IMMP2L: variants seen among roughly 807,000 people sequenced by gnomAD.
IMMP2L encodes mitochondrial inner membrane protease subunit 2.
Under a neutral mutation model 19.3 loss-of-function variants are expected in IMMP2L, and 18 were observed. The observed-to-expected ratio is 0.93, with a 90% CI of 0.64 to 1.38. The LOEUF is 1.38. IMMP2L is among the 40% of genes most tolerant of loss of function. The pLI is 0.00. For missense variants in IMMP2L, 233 were observed against 218.2 expected, an observed-to-expected ratio of 1.07 and a Z score of -0.43; for synonymous variants, 76 against 73.0, an observed-to-expected ratio of 1.04 and a Z score of -0.21.
intron 5 of IMMP2L, among the ~76,000 whole-genome samples, chr7:110,722,724 G>A (rs1193788136): frequency 6.6e-6 from 1 of 152,022 alleles, no homozygotes; most frequent in Non-Finnish European, 1.5e-5. Flanking sequence ...TTTCCAGTGA[G>A]GAAATCAAAC....
chr7:110,669,083 GTGTGTGTATA>G (rs1429436005), intron 5 of IMMP2L, among the ~76,000 whole-genome samples: 2 of 101,352 alleles, frequency 2.0e-5, no homozygotes, highest in African/African-American at 5.6e-5. Context: ...GTGTGTGTGT[GTGTGTGTATA>G]TGTATATATA....
chr7:111,073,415 A>T (rs773858214), intron 3 of IMMP2L, among the ~76,000 whole-genome samples: 5 of 152,066 alleles, frequency 3.3e-5, no homozygotes, highest in Non-Finnish European at 7.4e-5. Context: ...ACAAGTTTAA[A>T]TTTTTTCCAA....
At position 111,217,845 on chromosome 7, in the gene IMMP2L, C is replaced by T. The variant is rs574406923; in HGVS notation, c.240-254280G>A. Among the ~76,000 whole-genome samples, 5 of 152,020 alleles carry T rather than the reference C, an allele frequency of 3.3e-5. No homozygotes were observed. The South Asian group carries it at 8.3e-4, about 25-fold the overall frequency. ...CATCTTCCCTATATATTCTAGAAAT[C>T]TTATTTTTAATATAAAAATTAAGTT... On this transcript the variant is annotated intron_variant, in intron 3 of 5. Transcript: ENST00000405709.
intron 3 of IMMP2L, among the ~76,000 whole-genome samples, chr7:111,479,007 T>C (rs1236397198): frequency 2.3e-4 from 35 of 152,196 alleles, no homozygotes; most frequent in Admixed American, 2.2e-3. Context: ...TTGTAAGTAG[T>C]GGCCTATTTA....
intron 3 of IMMP2L, among the ~76,000 whole-genome samples, chr7:111,007,275 C>A (rs1483022475): frequency 6.6e-6 from 1 of 152,096 alleles, no homozygotes; most frequent in Non-Finnish European, 1.5e-5. Flanking sequence ...CCTCATTATC[C>A]AAACACCTTC....
At chr7:110,717,823 T>C (rs751835218) in intron 5 of IMMP2L, among the ~76,000 whole-genome samples, 1 of 152,128 alleles carries the variant, frequency 6.6e-6, no homozygotes, top group Non-Finnish European at 1.5e-5. Context: ...GCAGTGGAGA[T>C]GTTGAAAACC....
chr7:110,973,307 G>A (rs950480600), intron 3 of IMMP2L, among the ~76,000 whole-genome samples: 14 of 151,872 alleles, frequency 9.2e-5, no homozygotes, highest in African/African-American at 2.2e-4. Flanking sequence ...TTTAGTTGTC[G>A]GTCATACCTT....
chr7:111,046,155 G>A (rs79914997), intron 3 of IMMP2L, among the ~76,000 whole-genome samples: 5,345 of 151,756 alleles, frequency 0.035, 135 homozygotes, highest in South Asian at 0.076. Flanking sequence ...TACAAATGAA[G>A]AAGAAACAAT....
chr7:110,949,774 T>C (rs983420577), intron 4 of IMMP2L, among the ~76,000 whole-genome samples: 2 of 152,136 alleles, frequency 1.3e-5, no homozygotes, highest in African/African-American at 4.8e-5. Context: ...GTGCAATTTC[T>C]TGCCAACACG....
intron 3 of IMMP2L, among the ~76,000 whole-genome samples, chr7:111,122,222 T>TAA (rs199642974): frequency 6.7e-6 from 1 of 149,940 alleles, no homozygotes; most frequent in African/African-American, 2.5e-5. Context: ...TAAAGTATAA[T>TAA]AAAAAAAAAG....
intron 3 of IMMP2L, among the ~76,000 whole-genome samples, chr7:111,408,889 T>G (rs1834126828): frequency 6.6e-6 from 1 of 151,730 alleles, no homozygotes; most frequent in Non-Finnish European, 1.5e-5. Flanking sequence ...GGAAGATATG[T>G]AACTAAAACC....
At chr7:111,162,555 C>G (rs1435606309) in intron 3 of IMMP2L, among the ~76,000 whole-genome samples, 1 of 152,010 alleles carries the variant, frequency 6.6e-6, no homozygotes, top group African/African-American at 2.4e-5. Flanking sequence ...AGGGATTCAT[C>G]CATTCTCCAT....
At chr7:111,136,065 G>T (rs1045584004) in intron 3 of IMMP2L, among the ~76,000 whole-genome samples, 4 of 149,408 alleles carry the variant, frequency 2.7e-5, no homozygotes, top group African/African-American at 9.9e-5. Context: ...GTCTTGCTCT[G>T]TTGCCCAGGC....
At chr7:111,348,010 C>T (rs1298124956) in intron 3 of IMMP2L, among the ~76,000 whole-genome samples, 3 of 151,580 alleles carry the variant, frequency 2.0e-5, no homozygotes, top group Non-Finnish European at 2.9e-5. Flanking sequence ...CAGCTGGAAA[C>T]CATCACTCTG....
intron 5 of IMMP2L, among the ~76,000 whole-genome samples, chr7:110,857,231 G>A (rs1021789623): frequency 1.3e-5 from 2 of 152,048 alleles, no homozygotes; most frequent in Admixed American, 1.3e-4. Flanking sequence ...TCTTTCTTGG[G>A]GAATATCTGG....
chr7:110,815,178 G>A (rs1050047804), intron 5 of IMMP2L, among the ~76,000 whole-genome samples: 5 of 152,058 alleles, frequency 3.3e-5, no homozygotes, highest in African/African-American at 1.2e-4. Context: ...AGCATGAAGC[G>A]CTGTTGAATT....
intron 3 of IMMP2L, among the ~76,000 whole-genome samples, chr7:110,981,035 C>T (rs1014451688): frequency 5.3e-5 from 8 of 152,124 alleles, no homozygotes; most frequent in Non-Finnish European, 8.8e-5. Flanking sequence ...CAGTAAAGTA[C>T]ACTATTATTA....
At chr7:110,701,969 C>T (rs2130642633) in intron 5 of IMMP2L, among the ~76,000 whole-genome samples, 1 of 152,002 alleles carries the variant, frequency 6.6e-6, no homozygotes, top group East Asian at 1.9e-4. Flanking sequence ...CAGTGTCTCA[C>T]TCTGTCATCT....
intron 3 of IMMP2L, among the ~76,000 whole-genome samples, chr7:111,299,483 A>C (rs754794161): frequency 6.6e-6 from 1 of 152,058 alleles, no homozygotes; most frequent in Non-Finnish European, 1.5e-5. Context: ...CATTAGAAAA[A>C]TCAAACAAGA....
Sources: allele counts gnomAD v4.1 joint callset (sites outside exome capture counted in the v4.1 genomes callset), GRCh38; gene constraint gnomAD v4.1.1; transcripts MANE v1.5; gene names NCBI Gene and HGNC (gene_info 2026-07-23, HGNC 2026-07-21).